The following ECRG4 variants were observed in gnomAD, a reference collection of about 807,000 sequenced individuals.
ECRG4 encodes ECRG4 augurin precursor.
In ECRG4, 18 loss-of-function variants were observed where a neutral mutation model predicts 15.8. The ratio of observed to expected loss-of-function variants is 1.14; its 90% CI spans 0.79 to 1.69. ECRG4 has a LOEUF of 1.69. Among genes scored for constraint, ECRG4 ranks in the 40% most tolerant of loss-of-function variants. The probability of loss-of-function intolerance (pLI) is 0.00; values close to 1 mark genes in which losing one functional copy is unlikely to be tolerated. For synonymous variants in ECRG4, 82 were observed against 73.9 expected (o/e 1.11, Z -0.56); for missense variants, 200 against 190.9 (o/e 1.05, Z -0.28).
In ECRG4 at chr2:106,068,001, ATT is replaced by A. The variant is rs66604408; in HGVS notation, c.79+2169_79+2170del. On this transcript the variant is annotated intron_variant, in intron 1 of 3. Coordinates refer to ENST00000238044, the MANE Select transcript of ECRG4 (RefSeq NM_032411.3). The stretch of plus-strand genomic sequence containing the variant: ...AGGTGTGTTGACTCCACGCCTGGCA[ATT>A]TTTTTTTTTTCTTTTAATTTTTAGT... Among the ~76,000 whole-genome samples the A allele has an allele frequency of 1.2e-4, 17 of 146,720 alleles. 1 individual carries two copies. In the Middle Eastern group the frequency reaches 0.014, roughly 120 times the overall value.
upstream of ECRG4, among the ~76,000 whole-genome samples, chr2:106,064,938 G>A (rs1366830797): frequency 6.6e-6 from 1 of 152,004 alleles, no homozygotes; most frequent in African/African-American, 2.4e-5. Flanking sequence ...CGTTTCCCTT[G>A]GGTCTCACCT....
At chr2:106,073,099 G>A (rs113965653) in intron 2 of ECRG4, among the ~76,000 whole-genome samples, 76 of 152,260 alleles carry the variant, frequency 5.0e-4, no homozygotes, top group African/African-American at 1.7e-3. Flanking sequence ...TTTTCCTAAC[G>A]TCATCGAGAG....
chr2:106,077,832 A>ACTACCAACGTCACTATGATGAAGACT lies in ECRG4; in HGVS notation c.356_381dup (p.Ala128ThrfsTer87). The ACTACCAACGTCACTATGATGAAGACT allele has an allele frequency of 6.2e-7, 1 of 1,614,178 alleles. No homozygotes were observed. The highest frequency in any genetic ancestry group is 8.5e-7 in the Non-Finnish European group (1 of 1,180,008). ...AATGGACATGAATACTATGGCGATT[A>ACTACCAACGTCACTATGATGAAGACT]CTACCAACGTCACTATGATGAAGAC... On this transcript the variant is annotated frameshift_variant, in exon 4 of 4. Transcript: ENST00000238044. LOFTEE classifies it high-confidence loss of function.
chr2:106,077,440 A>G (rs796343225), intron 3 of ECRG4, among the ~76,000 whole-genome samples: 5 of 152,344 alleles, frequency 3.3e-5, no homozygotes, highest in African/African-American at 1.2e-4. Context: ...GGGTCAGGCC[A>G]AGTTGTTATG....
At chr2:106,075,456 T>C (rs1676465314) in intron 3 of ECRG4, among the ~76,000 whole-genome samples, 1 of 152,224 alleles carries the variant, frequency 6.6e-6, no homozygotes, top group Admixed American at 6.5e-5. Context: ...GCATGGTGGC[T>C]CATGCCTGTA....
In ECRG4 at chr2:106,065,761, C is replaced by T. The variant is rs749547312; in HGVS notation, c.-4C>T. 1 of 1,480,480 alleles carries T rather than the reference C, an allele frequency of 6.8e-7. No individual in the cohort carries two copies. Among genetic ancestry groups the T allele is most frequent in the Admixed American group, 2.3e-5 (1 of 43,224 alleles). 91.7% of individuals were successfully genotyped at this position (1,480,480 alleles called of 1,614,324 possible). A position where few individuals can be genotyped will look rare whatever the true frequency, so the allele number is the denominator to read the frequency against. Reference sequence around the variant, plus strand: ...CCTCGCCCTCCTGCTCGCGCCCCGCCGCCATGGCTGCCTCCCCCGCGCGGC... The same window carrying T: ...CCTCGCCCTCCTGCTCGCGCCCCGCTGCCATGGCTGCCTCCCCCGCGCGGC... On this transcript the variant is annotated 5_prime_UTR_variant, in exon 1 of 4. Transcript: ENST00000238044.
chr2:106,068,589 C>T (rs893360366), intron 1 of ECRG4, among the ~76,000 whole-genome samples: 23 of 152,202 alleles, frequency 1.5e-4, no homozygotes, highest in African/African-American at 4.8e-4. Flanking sequence ...GCAGCCTCAT[C>T]GCAAATGCCT....
At chr2:106,073,694 C>T in intron 2 of ECRG4, 192 bp from the exon 3 acceptor site, 1 of 689,480 alleles carries the variant, frequency 1.5e-6, no homozygotes, top group Non-Finnish European at 2.5e-6. Context: ...CCAAATAACA[C>T]TTACTAACAG....
intron 1 of ECRG4, 32 bp downstream of exon 1, chr2:106,065,875 C>T (rs1676200884): frequency 6.9e-7 from 1 of 1,455,748 alleles, no homozygotes. Context: ...TGATTGATAG[C>T]GGCACCAGGG....
chr2:106,065,009 G>C (rs1676172821), upstream of ECRG4, among the ~76,000 whole-genome samples: 1 of 152,078 alleles, frequency 6.6e-6, no homozygotes, highest in South Asian at 2.1e-4. Context: ...CAGTGGTTTT[G>C]CTCACAGCTG....
Position 106,067,336 on chromosome 2 carries a change from AC to A in ECRG4, c.79+1494del, listed in dbSNP as rs781290657. 8.7e-4 allele frequency among the ~76,000 whole-genome samples: 133 copies of A among 152,272 alleles called. 1 individual carries two copies. Among genetic ancestry groups the A allele is most frequent in the Middle Eastern group, 3.4e-3 (1 of 294 alleles). ...AATAAAAGAAGAAGAAGAAAAAAGC[AC>A]ATCTGAATAAGTCAAGTGAGCACTG... On this transcript the variant is annotated intron_variant, in intron 1 of 3. Transcript: ENST00000238044.
chr2:106,066,957 G>A (rs1676227693), intron 1 of ECRG4, among the ~76,000 whole-genome samples: 1 of 150,726 alleles, frequency 6.6e-6, no homozygotes, highest in Non-Finnish European at 1.5e-5. Context: ...ATTTCCCGTT[G>A]TATGGTTTAC....
intron 1 of ECRG4, among the ~76,000 whole-genome samples, chr2:106,068,892 C>T (rs1280301961): frequency 1.3e-5 from 2 of 152,256 alleles, no homozygotes; most frequent in Non-Finnish European, 2.9e-5. Flanking sequence ...ATCCCCTCTA[C>T]AGTAGCCTGG....
intron 1 of ECRG4, among the ~76,000 whole-genome samples, chr2:106,066,729 T>G (rs1225874032): frequency 6.6e-6 from 1 of 152,122 alleles, no homozygotes; most frequent in East Asian, 1.9e-4. Context: ...CACTGCCTAA[T>G]GTAAAAGGGA....
intron 3 of ECRG4, among the ~76,000 whole-genome samples, chr2:106,075,086 GTACTTAGAGGTACGAACT>G (rs1347231383): frequency 6.6e-6 from 1 of 151,902 alleles, no homozygotes; most frequent in Non-Finnish European, 1.5e-5. Context: ...ATGATTCTAA[GTACTTAGAGGTACGAACT>G]TACTTCACAT....
intron 1 of ECRG4, among the ~76,000 whole-genome samples, chr2:106,071,381 A>G (rs1377762576): frequency 4.6e-5 from 7 of 151,522 alleles, no homozygotes; most frequent in South Asian, 2.1e-4. Context: ...GAAAATAAAA[A>G]AAAAATAAAA....
At chr2:106,068,240 A>T (rs78155662) in intron 1 of ECRG4, among the ~76,000 whole-genome samples, 1,619 of 152,260 alleles carry the variant, frequency 0.011, 39 homozygotes, top group African/African-American at 0.037. Flanking sequence ...TGCAGCTCTG[A>T]ATTTGCTGGG....
chr2:106,077,883 A>G lies in ECRG4; in HGVS notation c.404A>G (p.Tyr135Cys), dbSNP rs1676518695. The G allele has an allele frequency of 1.2e-6, 2 of 1,614,060 alleles. No individual in the cohort carries two copies. Among genetic ancestry groups the G allele is most frequent in the Admixed American group, 3.3e-5 (2 of 60,008 alleles). Residue 135 changes from tyrosine (Y) to cysteine (C), a missense_variant, in exon 4 of 4, where the codon TAC becomes TGC. Transcript: ENST00000238044. ...EDSAIGPRSP[Y>C]GFRHGASVNY... ...TCTGCAATTGGTCCCCGGAGCCCCT[A>G]CGGCTTTAGGCATGGAGCCAGCGTC...
At chr2:106,069,298 C>T (rs112286340) in intron 1 of ECRG4, among the ~76,000 whole-genome samples, 38,986 of 121,570 alleles carry the variant, frequency 0.32, 5,851 homozygotes, top group East Asian at 0.48. Context: ...TCTTTCTTTC[C>T]TTCCTTCCTT....
Sources: allele counts gnomAD v4.1 joint callset (sites outside exome capture counted in the v4.1 genomes callset), GRCh38; gene constraint gnomAD v4.1.1; transcripts MANE v1.5; gene names NCBI Gene and HGNC (gene_info 2026-07-23, HGNC 2026-07-21).